MYRFL: variants seen among roughly 807,000 people sequenced by gnomAD.
MYRFL encodes myelin regulatory factor-like protein.
A neutral mutation model predicts 109.4 loss-of-function variants in MYRFL; 88 were observed. The observed-to-expected ratio is 0.80, with a 90% CI of 0.68 to 0.96. The LOEUF (loss-of-function observed/expected upper bound fraction) is 0.96, where lower values mean the gene tolerates loss of function less well. Ranked by LOEUF, MYRFL falls within the 40% of genes least tolerant of loss-of-function variation. The pLI is 0.00. For synonymous variants in MYRFL, 324 were observed against 320.9 expected (o/e 1.01, Z -0.10); for missense variants, 957 against 954.9 (o/e 1.00, Z -0.03).
intron 1 of MYRFL, among the ~76,000 whole-genome samples, chr12:69,846,451 G>T (rs954220076): frequency 6.6e-6 from 1 of 151,464 alleles, no homozygotes; most frequent in African/African-American, 2.4e-5. Context: ...GCAGTGTTTG[G>T]TTTTTTGTTC....
intron 19 of MYRFL, among the ~76,000 whole-genome samples, chr12:69,938,755 T>G (rs10128917): frequency 0.035 from 5,292 of 151,974 alleles, 312 homozygotes; most frequent in African/African-American, 0.12. Context: ...AGAAGACGGG[T>G]GATTTCTGCA....
At chr12:69,953,866 G>A (rs1375021585) in intron 21 of MYRFL, among the ~76,000 whole-genome samples, 1 of 151,918 alleles carries the variant, frequency 6.6e-6, no homozygotes, top group Non-Finnish European at 1.5e-5. Context: ...TAAAGGCAAG[G>A]CCTGTAATCT....
chr12:69,926,932 GGTTT>G (rs150525406), intron 14 of MYRFL, among the ~76,000 whole-genome samples, 198 bp downstream of exon 14: 51,054 of 75,820 alleles, frequency 0.67, 22,027 homozygotes, highest in East Asian at 0.8. Flanking sequence ...TTCTGTTGCT[GGTTT>G]TTTTTTTTTT....
intron 1 of MYRFL, among the ~76,000 whole-genome samples, chr12:69,827,676 G>A (rs566679503): frequency 4.3e-4 from 65 of 151,888 alleles, no homozygotes; most frequent in South Asian, 1.7e-3. Context: ...TAATAGTGGT[G>A]GATTTATTAA....
intron 1 of MYRFL, among the ~76,000 whole-genome samples, chr12:69,853,666 G>C (rs1884062330): frequency 7.0e-6 from 1 of 143,534 alleles, no homozygotes; most frequent in South Asian, 2.3e-4. Flanking sequence ...TCACATCCCA[G>C]ACGATGGGCG....
intron 2 of MYRFL, among the ~76,000 whole-genome samples, chr12:69,875,396 G>C (rs1371571487): frequency 3.9e-5 from 6 of 151,932 alleles, no homozygotes; most frequent in Admixed American, 6.5e-5. Context: ...GCATGTGCTT[G>C]TCTGCTCCAT....
chr12:69,952,932 C>A, intron 21 of MYRFL, 46 bp downstream of exon 21: 1 of 1,370,340 alleles, frequency 7.3e-7, no homozygotes. Flanking sequence ...TGGAATTTAC[C>A]CATGGCTCTG....
rs1333729506 is a variant in MYRFL, at chr12:69,927,693, G to A, written c.1775G>A (p.Ser592Asn). 2.1e-5 allele frequency: 32 copies of A among 1,533,244 alleles called. No homozygotes were observed. Among genetic ancestry groups the A allele is most frequent in the Non-Finnish European group, 2.5e-5 (29 of 1,146,304 alleles). The allele number at this position is 1,533,244 out of a possible 1,614,324, so 95.0% of individuals were successfully genotyped here. ...ASEASTISKS[S>N]RAVSASSPRR... ...TTCTCTCTCTTTTAAAGCAAATCTA[G>A]CAGAGCCGTTAGTGCATCTTCTCCA... is the stretch of plus-strand genomic sequence containing the variant. Residue 592 changes from serine (S) to asparagine (N), a missense_variant, in exon 15 of 25, where the codon AGC (serine) becomes AAC (asparagine). By Grantham distance (46) the Ser-to-Asn change is conservative. Transcript: ENST00000552032.
At chr12:69,920,269 C>T (rs1433775227) in intron 13 of MYRFL, among the ~76,000 whole-genome samples, 2 of 152,166 alleles carry the variant, frequency 1.3e-5, no homozygotes, top group African/African-American at 4.8e-5. Flanking sequence ...CTAATTCACT[C>T]ACATTTCCAT....
chr12:69,925,316 A>T (rs770574622), intron 13 of MYRFL, among the ~76,000 whole-genome samples: 2 of 152,202 alleles, frequency 1.3e-5, no homozygotes, highest in African/African-American at 4.8e-5. Flanking sequence ...CATGAGATAC[A>T]TCTGTCTTTG....
intron 2 of MYRFL, among the ~76,000 whole-genome samples, chr12:69,871,714 A>G (rs571939828): frequency 1.1e-4 from 17 of 152,236 alleles, no homozygotes; most frequent in African/African-American, 4.1e-4. Flanking sequence ...TTTTTTAGTT[A>G]TGTCAATATC....
In MYRFL at chr12:69,891,991, G is replaced by A. The variant is rs373615831; in HGVS notation, c.903+825G>A. Among the ~76,000 whole-genome samples, 26 of 152,138 alleles carry A rather than the reference G, an allele frequency of 1.7e-4. 1 individual carries two copies. The East Asian group carries it at 2.7e-3, about 16-fold the overall frequency. On this transcript the variant is annotated intron_variant, in intron 7 of 24. Coordinates refer to ENST00000552032, the MANE Select transcript of MYRFL (RefSeq NM_182530.3). ...CATATCCAGCCAAGATGTCGATTTC[G>A]TAAGCCTGGGCTCAGAAAATGGCAC...
chr12:69,835,032 A>G (rs1045922883), intron 1 of MYRFL, among the ~76,000 whole-genome samples: 1 of 152,222 alleles, frequency 6.6e-6, no homozygotes, highest in African/African-American at 2.4e-5. Flanking sequence ...CTAATTTTAT[A>G]GTAAATCTGT....
chr12:69,857,024 T>G (rs963730659), intron 2 of MYRFL, among the ~76,000 whole-genome samples: 4 of 151,934 alleles, frequency 2.6e-5, no homozygotes, highest in African/African-American at 9.7e-5. Context: ...TTTAGGTCTA[T>G]GATCCATTTT....
At chr12:69,898,317 G>A (rs908925323) in intron 10 of MYRFL, among the ~76,000 whole-genome samples, 3 of 152,224 alleles carry the variant, frequency 2.0e-5, no homozygotes, top group African/African-American at 7.2e-5. Flanking sequence ...ACGTTGTAAT[G>A]GAGATGAAGT....
intron 5 of MYRFL, among the ~76,000 whole-genome samples, chr12:69,882,064 G>A (rs747162432): frequency 6.6e-6 from 1 of 152,182 alleles, no homozygotes; most frequent in Non-Finnish European, 1.5e-5. Flanking sequence ...CCATCCCAGA[G>A]TTAAGCTCCA....
intron 1 of MYRFL, among the ~76,000 whole-genome samples, chr12:69,832,942 GC>G: frequency 1.1e-5 from 1 of 92,816 alleles, no homozygotes; most frequent in South Asian, 4.4e-4. Context: ...TGAGGAACAG[GC>G]TTGTGTGTGT....
chr12:69,907,370 AC>A (rs1223232108), intron 11 of MYRFL, among the ~76,000 whole-genome samples: 1 of 152,134 alleles, frequency 6.6e-6, no homozygotes, highest in Non-Finnish European at 1.5e-5. Context: ...GAAACCAGGG[AC>A]CATTTCCCTC....
chr12:69,904,914 A>C (rs1220217979), intron 11 of MYRFL, among the ~76,000 whole-genome samples: 1 of 152,176 alleles, frequency 6.6e-6, no homozygotes, highest in Admixed American at 6.5e-5. Context: ...GCAAATCTGC[A>C]CTGGTTTTCC....
Sources: allele counts gnomAD v4.1 joint callset (sites outside exome capture counted in the v4.1 genomes callset), GRCh38; gene constraint gnomAD v4.1.1; transcripts MANE v1.5; gene names NCBI Gene and HGNC (gene_info 2026-07-23, HGNC 2026-07-21).